Variants in ABCA13 observed in about 807,000 individuals in gnomAD.
ABCA13 encodes ATP binding cassette subfamily A member 13, also known as ATP-binding cassette sub-family A member 13.
Under a neutral mutation model 478.7 loss-of-function variants are expected in ABCA13, and 476 were observed. The ratio of observed to expected loss-of-function variants is 0.99; its 90% confidence interval spans 0.92 to 1.07. The LOEUF (loss-of-function observed/expected upper bound fraction) is 1.07. Among genes scored for constraint, ABCA13 ranks in the 50% least tolerant of loss-of-function variants. The probability of loss-of-function intolerance (pLI) is 0.00; values close to 1 mark genes in which losing one functional copy is unlikely to be tolerated. For missense variants in ABCA13, 6,060 were observed against 5,910.6 expected, an observed-to-expected ratio of 1.03 and a Z score of -0.83; for synonymous variants, 2,252 against 2,158.9, an observed-to-expected ratio of 1.04 and a Z score of -1.20.
At chr7:48,624,059 A>AGTGTGTGTGTGTGTGT (rs3078326) in intron 59 of ABCA13, among the ~76,000 whole-genome samples, 2 of 142,442 alleles carry the variant, frequency 1.4e-5, no homozygotes, top group African/African-American at 5.2e-5. Flanking sequence ...CACATGATAG[A>AGTGTGTGTGTGTGTGT]GTGTGTGTGT....
chr7:48,474,307 T>C (rs4917156), intron 45 of ABCA13, among the ~76,000 whole-genome samples: 2 of 151,816 alleles, frequency 1.3e-5, no homozygotes, highest in African/African-American at 4.8e-5. Context: ...AGATGGGAAA[T>C]GTGGATAATT....
At position 48,219,364 on chromosome 7, in the gene ABCA13, T is replaced by C; in HGVS notation, c.298T>C (p.Phe100Leu). 6.2e-7 allele frequency: 1 copy of C among 1,610,392 alleles called. No homozygotes were observed. The highest frequency in any genetic ancestry group is 1.3e-5 in the African/African-American group (1 of 74,626). ...SMEHHFRLSR[F>L]QTAADPKKVN... ...TTATTCTGTTTAAAGTTTGTCTAGGTTCCAAACTGCAGCTGACCCCAAGAA... is the reference window on the plus strand; with the variant it reads ...TTATTCTGTTTAAAGTTTGTCTAGGCTCCAAACTGCAGCTGACCCCAAGAA... Residue 100 changes from phenylalanine (F) to leucine (L), a missense_variant, in exon 4 of 62, where the codon TTC becomes CTC. Physicochemically the swap from Phe to Leu is conservative, Grantham distance 22. This residue lies in a region of ABCA13 where 4,423 missense variants were observed against 4,309.1 expected (regional missense o/e 1.03). Transcript: ENST00000435803.
At chr7:48,196,353 G>A (rs1308809533) in intron 2 of ABCA13, among the ~76,000 whole-genome samples, 1 of 152,192 alleles carries the variant, frequency 6.6e-6, no homozygotes, top group Non-Finnish European at 1.5e-5. Flanking sequence ...CCTACAGAAG[G>A]GAAGGCTTTG....
chr7:48,413,353 A>G (rs1057277283), intron 41 of ABCA13, among the ~76,000 whole-genome samples: 3 of 152,106 alleles, frequency 2.0e-5, no homozygotes, highest in African/African-American at 7.2e-5. Flanking sequence ...ACTTTTCTCT[A>G]CCTGGATCTG....
At chr7:48,343,421 A>T (rs1050489632) in intron 29 of ABCA13, among the ~76,000 whole-genome samples, 8 of 152,038 alleles carry the variant, frequency 5.3e-5, no homozygotes, top group African/African-American at 1.9e-4. Context: ...GATACCGATT[A>T]GGGCCCATGT....
intron 59 of ABCA13, among the ~76,000 whole-genome samples, chr7:48,637,381 CAAAAAAAAAA>C (rs1156643955): frequency 4.9e-4 from 10 of 20,258 alleles, no homozygotes; most frequent in South Asian, 4.3e-3. Context: ...GTTCATAAAG[CAAAAAAAAAA>C]AAAAAAAAAA....
chr7:48,543,656 G>A (rs1333490341), intron 55 of ABCA13, among the ~76,000 whole-genome samples: 2 of 151,148 alleles, frequency 1.3e-5, no homozygotes, highest in African/African-American at 4.8e-5. Flanking sequence ...ATAAAAAATA[G>A]GCATAAGACT....
At chr7:48,575,631 G>T (rs1788093315) in intron 55 of ABCA13, among the ~76,000 whole-genome samples, 1 of 152,124 alleles carries the variant, frequency 6.6e-6, no homozygotes, top group Admixed American at 6.6e-5. Flanking sequence ...AGAGGATGGA[G>T]AGATACATTT....
intron 31 of ABCA13, among the ~76,000 whole-genome samples, chr7:48,367,208 T>A (rs938935225): frequency 1.3e-5 from 2 of 152,096 alleles, no homozygotes; most frequent in African/African-American, 4.8e-5. Context: ...ACCAATGCCA[T>A]CCAACATGTC....
chr7:48,206,128 T>C (rs909630070), intron 3 of ABCA13, among the ~76,000 whole-genome samples: 3 of 152,234 alleles, frequency 2.0e-5, no homozygotes, highest in African/African-American at 7.2e-5. Context: ...GATATATCCT[T>C]GGTGTTTGGC....
At chr7:48,558,151 ATCCCTCCCTCCCTCCC>A (rs905972097) in intron 55 of ABCA13, among the ~76,000 whole-genome samples, 1 of 99,304 alleles carries the variant, frequency 1.0e-5, no homozygotes, top group Non-Finnish European at 2.1e-5. Context: ...TCCTTTCTCC[ATCCCTCCCTCCCTCCC>A]TCCCTCCCTT....
chr7:48,190,509 A>G (rs1376779558), intron 1 of ABCA13, among the ~76,000 whole-genome samples: 2 of 152,166 alleles, frequency 1.3e-5, no homozygotes, highest in Non-Finnish European at 2.9e-5. Context: ...TAATATTTCA[A>G]TAGTGTCATG....
chr7:48,352,243 C>T lies in ABCA13; in HGVS notation c.10444C>T (p.Pro3482Ser). The change falls in exon 31 of 62, where the codon CCC becomes TCC. Residue 3482 changes from proline (P) to serine (S), a missense_variant. This residue lies in a region of ABCA13 where 4,423 missense variants were observed against 4,309.1 expected (regional missense o/e 1.03). Transcript: ENST00000435803. Reference sequence around the variant, plus strand: ...CAGATCAGAGTCTGTCAAACTGCCACCCCATGTCTCATACACAATCCGGAC... The same window carrying T: ...CAGATCAGAGTCTGTCAAACTGCCATCCCATGTCTCATACACAATCCGGAC... ...NFRSESVKLPPHVSYTIRTNV... is the reference protein window; with the variant it reads ...NFRSESVKLPSHVSYTIRTNV... The T allele has an allele frequency of 5.0e-6, 8 of 1,612,726 alleles. No homozygotes were observed. The highest frequency in any genetic ancestry group is 1.1e-5 in the South Asian group (1 of 91,044).
chr7:48,319,600 G>A (rs1194542253), intron 27 of ABCA13, among the ~76,000 whole-genome samples: 3 of 152,098 alleles, frequency 2.0e-5, no homozygotes, highest in African/African-American at 7.2e-5. Context: ...TTGTTAGGTG[G>A]AACCATCTGA....
chr7:48,176,049 T>C (rs1040683865), intron 1 of ABCA13, among the ~76,000 whole-genome samples: 3 of 152,138 alleles, frequency 2.0e-5, no homozygotes, highest in Non-Finnish European at 4.4e-5. Flanking sequence ...CTTCCCCTAA[T>C]CTATCCTTCA....
intron 58 of ABCA13, among the ~76,000 whole-genome samples, chr7:48,610,987 T>C (rs916182045): frequency 1.3e-4 from 20 of 152,230 alleles, no homozygotes; most frequent in African/African-American, 4.3e-4. Flanking sequence ...TTCCCCATTG[T>C]CTTGGCTATT....
At chr7:48,409,079 T>TGAGGTA (rs1397441970) in intron 39 of ABCA13, among the ~76,000 whole-genome samples, 4 of 152,234 alleles carry the variant, frequency 2.6e-5, no homozygotes, top group Non-Finnish European at 5.9e-5. Flanking sequence ...GTAATTAGCA[T>TGAGGTA]ATTCACAACC....
At chr7:48,388,039 C>T in intron 36 of ABCA13, 80 bp downstream of exon 36, 1 of 1,458,622 alleles carries the variant, frequency 6.9e-7, no homozygotes, top group East Asian at 2.3e-5. Flanking sequence ...TTTTTATGGT[C>T]CAGCCTTTTC....
intron 31 of ABCA13, among the ~76,000 whole-genome samples, chr7:48,360,961 G>A (rs1433519): frequency 0.14 from 20,929 of 151,616 alleles, 1,667 homozygotes; most frequent in East Asian, 0.31. Context: ...GCTGGGCGTT[G>A]TGGTGTGTTC....
Sources: gnomAD v4.1 joint callset for allele counts (sites outside exome capture counted in the v4.1 genomes callset) on GRCh38, gnomAD v4.1.1 for gene constraint, gnomAD v4.1.1 regional missense constraint, MANE v1.5 for transcripts, NCBI Gene and HGNC (gene_info 2026-07-23, HGNC 2026-07-21) for gene names.